NRP2: variants seen among roughly 807,000 people sequenced by gnomAD.
The protein encoded by NRP2 is neuropilin 2.
A neutral mutation model predicts 110.4 loss-of-function variants in NRP2; 52 were observed. That is an observed-to-expected ratio of 0.47 (90% confidence interval 0.38 to 0.59). The LOEUF (loss-of-function observed/expected upper bound fraction) is 0.59, where lower values mean the gene tolerates loss of function less well. Among genes scored for constraint, NRP2 ranks in the 20% least tolerant of loss-of-function variants. The pLI, the probability that NRP2 is intolerant of heterozygous loss-of-function variation, is 0.00. For synonymous variants in NRP2, 508 were observed against 468.9 expected, an observed-to-expected ratio of 1.08 and a Z score of -1.08; for missense variants, 1,049 against 1,203.0, an observed-to-expected ratio of 0.87 and a Z score of 1.89.
chr2:205,694,548 C>G (rs1411376314), intron 1 of NRP2, among the ~76,000 whole-genome samples: 1 of 152,206 alleles, frequency 6.6e-6, no homozygotes, highest in African/African-American at 2.4e-5. Flanking sequence ...GGCTCAGTAG[C>G]TCAAACAGGG....
chr2:205,752,743 A>C, intron 11 of NRP2, 92 bp from the exon 12 acceptor site: 1 of 1,363,008 alleles, frequency 7.3e-7, no homozygotes, highest in Non-Finnish European at 1.0e-6. Flanking sequence ...CTCTCCACTC[A>C]GGCCTTGCCA....
At chr2:205,733,654 A>C (rs887179680) in intron 7 of NRP2, among the ~76,000 whole-genome samples, 7 of 152,100 alleles carry the variant, frequency 4.6e-5, no homozygotes, top group African/African-American at 1.7e-4. Context: ...GGAGGTTTCC[A>C]GGGGTGGAGG....
At chr2:205,746,473 G>T (rs141168953) in intron 10 of NRP2, among the ~76,000 whole-genome samples, 173 of 152,328 alleles carry the variant, frequency 1.1e-3, no homozygotes, top group African/African-American at 3.9e-3. Context: ...TGAGGCCCAC[G>T]GAGGGTGCCC....
At chr2:205,737,412 CAG>C (rs1320029726) in intron 7 of NRP2, among the ~76,000 whole-genome samples, 3 of 152,174 alleles carry the variant, frequency 2.0e-5, no homozygotes, top group Non-Finnish European at 4.4e-5. Flanking sequence ...CCTCATTTAA[CAG>C]AGGAGGAAAT....
At chr2:205,705,246 G>A (rs567782575) in intron 2 of NRP2, among the ~76,000 whole-genome samples, 4 of 150,808 alleles carry the variant, frequency 2.7e-5, no homozygotes, top group African/African-American at 7.3e-5. Context: ...TTCTGTAATC[G>A]TCCTTCATTA....
chr2:205,719,540 G>C (rs2056970390), intron 3 of NRP2, among the ~76,000 whole-genome samples: 1 of 151,904 alleles, frequency 6.6e-6, no homozygotes, highest in Non-Finnish European at 1.5e-5. Context: ...TGGAAAATGT[G>C]TGTGTGTGTG....
intron 1 of NRP2, among the ~76,000 whole-genome samples, chr2:205,692,783 G>A (rs1397272309): frequency 1.3e-5 from 2 of 152,194 alleles, no homozygotes; most frequent in African/African-American, 2.4e-5. Context: ...GTCTAGGAGG[G>A]TAGAGAATCT....
chr2:205,788,755 T>C (rs998550482), intron 15 of NRP2, among the ~76,000 whole-genome samples: 1 of 152,196 alleles, frequency 6.6e-6, no homozygotes, highest in East Asian at 1.9e-4. Flanking sequence ...TGCCTCACTT[T>C]CTTTCATGCT....
At chr2:205,687,262 G>A (rs557952991) in intron 1 of NRP2, among the ~76,000 whole-genome samples, 11 of 152,288 alleles carry the variant, frequency 7.2e-5, no homozygotes, top group African/African-American at 2.6e-4. Flanking sequence ...GACGGTCTAG[G>A]CGCCGGATAA....
At chr2:205,701,673 G>C (rs1400447500) in intron 2 of NRP2, 1 of 152,106 alleles carries the variant, frequency 6.6e-6, no homozygotes, top group African/African-American at 2.4e-5. Context: ...ATAAATGATT[G>C]TATGTGCTAT....
At chr2:205,772,419 C>A (rs1411568590) in intron 15 of NRP2, among the ~76,000 whole-genome samples, 1 of 152,176 alleles carries the variant, frequency 6.6e-6, no homozygotes, top group African/African-American at 2.4e-5. Context: ...GTTTGCATTG[C>A]TTTTCTCCAG....
chr2:205,739,590 A>G (rs2057403750), intron 7 of NRP2, among the ~76,000 whole-genome samples: 1 of 151,978 alleles, frequency 6.6e-6, no homozygotes, highest in African/African-American at 2.4e-5. Flanking sequence ...TATGACAGAA[A>G]TGATTTAGAA....
chr2:205,714,764 G>C (rs186056011), intron 2 of NRP2, among the ~76,000 whole-genome samples: 1 of 152,060 alleles, frequency 6.6e-6, no homozygotes, highest in Non-Finnish European at 1.5e-5. Context: ...AGCCCTGTGG[G>C]GTCTAAGAAT....
chr2:205,777,323 CTT>C (rs1435043729), intron 15 of NRP2: 3 of 185,858 alleles, frequency 1.6e-5, no homozygotes, highest in Admixed American at 6.5e-5. Context: ...CTTCTGGTGT[CTT>C]TGAAATGTCA....
At chr2:205,694,140 A>G (rs1485124889) in intron 1 of NRP2, among the ~76,000 whole-genome samples, 2 of 152,346 alleles carry the variant, frequency 1.3e-5, no homozygotes, top group East Asian at 3.9e-4. Context: ...CCCTAGGCAG[A>G]GGCAGATGGT....
intron 7 of NRP2, 80 bp downstream of exon 7, chr2:205,728,126 C>T: frequency 1.3e-6 from 2 of 1,534,332 alleles, no homozygotes; most frequent in Admixed American, 1.7e-5. Flanking sequence ...AGCCGACCTC[C>T]TACAGGAGAG....
chr2:205,695,323 T>A (rs2105882488), intron 1 of NRP2, among the ~76,000 whole-genome samples: 1 of 152,358 alleles, frequency 6.6e-6, no homozygotes, highest in East Asian at 1.9e-4. Flanking sequence ...GAAGAAATGA[T>A]CACTTCTGCT....
intron 7 of NRP2, among the ~76,000 whole-genome samples, chr2:205,733,804 C>T (rs1382499177): frequency 6.6e-6 from 1 of 152,014 alleles, no homozygotes; most frequent in Non-Finnish European, 1.5e-5. Flanking sequence ...CAGCCCCACC[C>T]CTGAGCTGCC....
rs769310637 is a variant in NRP2 at position 205,686,205 on chromosome 2, CT to C, written c.73+2843del. On this transcript the variant is annotated intron_variant, in intron 1 of 16. Coordinates refer to ENST00000357785, the MANE Select transcript of NRP2 (RefSeq NM_003872.3). This position sits in a 1 kb window ranked among gnomAD's most constrained non-coding sequence, Gnocchi z 4.7. ...CCGCGAAGTTGGCCGCCTCCAACTA[CT>C]CCATGCTTGTGCCCTCCTCCTCCTC... Among the ~76,000 whole-genome samples the C allele has an allele frequency of 2.6e-4, 40 of 152,068 alleles. No individual in the cohort carries two copies. Among genetic ancestry groups the C allele is most frequent in the Non-Finnish European group, 5.1e-4 (35 of 68,024 alleles).
Sources: allele counts gnomAD v4.1 joint callset (sites outside exome capture counted in the v4.1 genomes callset), GRCh38; gene constraint gnomAD v4.1.1; non-coding constraint Gnocchi (gnomAD v3.1); transcripts MANE v1.5; gene names NCBI Gene and HGNC (gene_info 2026-07-23, HGNC 2026-07-21).